Variants in LUZP2 observed in about 807,000 individuals in gnomAD.
LUZP2 encodes the protein leucine zipper protein 2.
A neutral mutation model predicts 51.6 loss-of-function variants in LUZP2; 52 were observed. The observed-to-expected ratio is 1.01, with a 90% CI of 0.81 to 1.27. LUZP2 has a LOEUF of 1.27. LUZP2 is among the 50% of genes most tolerant of loss of function. LUZP2 has a pLI of 0.00. For synonymous variants in LUZP2, 154 were observed against 137.3 expected (o/e 1.12, Z -0.85); for missense variants, 436 against 395.4 (o/e 1.10, Z -0.87).
At chr11:24,520,493 T>C (rs544019942) in intron 1 of LUZP2, among the ~76,000 whole-genome samples, 5 of 152,362 alleles carry the variant, frequency 3.3e-5, no homozygotes, top group Admixed American at 3.3e-4. Context: ...ATTGCACTTG[T>C]ACAGAAGAAT....
chr11:25,043,325 C>A (rs1397480994), intron 9 of LUZP2, among the ~76,000 whole-genome samples: 1 of 151,746 alleles, frequency 6.6e-6, no homozygotes, highest in African/African-American at 2.4e-5. Flanking sequence ...ACCATTTAGC[C>A]CAGTACAGTG....
At chr11:24,586,540 A>C (rs1590210871) in intron 1 of LUZP2, among the ~76,000 whole-genome samples, 1 of 152,138 alleles carries the variant, frequency 6.6e-6, no homozygotes, top group Non-Finnish European at 1.5e-5. Context: ...TTGTTACCTA[A>C]ATTTCAAAGA....
chr11:24,914,695 TA>T (rs1486980722), intron 7 of LUZP2, among the ~76,000 whole-genome samples, 157 bp downstream of exon 7: 1 of 152,136 alleles, frequency 6.6e-6, no homozygotes, highest in Non-Finnish European at 1.5e-5. Context: ...ACAACTTAAT[TA>T]ATGGAGATAA....
intron 1 of LUZP2, among the ~76,000 whole-genome samples, chr11:24,647,096 C>G (rs1317912546): frequency 1.4e-4 from 22 of 151,902 alleles, no homozygotes; most frequent in Non-Finnish European, 5.9e-5. Flanking sequence ...TTGTTCCACT[C>G]TTTCCACGCA....
intron 5 of LUZP2, among the ~76,000 whole-genome samples, chr11:24,890,547 A>G (rs907276813): frequency 6.6e-6 from 1 of 152,122 alleles, no homozygotes; most frequent in Non-Finnish European, 1.5e-5. Context: ...ATGAATAAGA[A>G]TTTTGCGGCT....
Position 24,729,302 on chromosome 11 carries a change from A to C in LUZP2, c.180+16A>C. 62 of 1,363,906 alleles carry C rather than the reference A, an allele frequency of 4.5e-5. No individual in the cohort carries two copies. The highest frequency in any genetic ancestry group is 5.8e-5 in the Non-Finnish European group (57 of 990,964). The allele number at this position is 1,363,906 out of a possible 1,614,324, so 84.5% of individuals were successfully genotyped here. On this transcript the variant is annotated intron_variant, in intron 2 of 11. Coordinates refer to ENST00000336930, the MANE Select transcript of LUZP2 (RefSeq NM_001009909.4). Reference sequence around the variant, plus strand: ...CAATCTTCAGGTGAGATGAGAACTCATTTTCCGAGCAGTAAAAGAGGAGCA... The same window carrying C: ...CAATCTTCAGGTGAGATGAGAACTCCTTTTCCGAGCAGTAAAAGAGGAGCA...
chr11:24,920,209 G>A (rs1333261989), intron 7 of LUZP2, among the ~76,000 whole-genome samples: 1 of 151,920 alleles, frequency 6.6e-6, no homozygotes. Flanking sequence ...ATAGTTTTGT[G>A]ATTGTGTTTG....
At chr11:24,663,220 G>A (rs1274927842) in intron 1 of LUZP2, among the ~76,000 whole-genome samples, 1 of 152,124 alleles carries the variant, frequency 6.6e-6, no homozygotes, top group African/African-American at 2.4e-5. Context: ...ATTAGATCAT[G>A]GGGGCAAATT....
rs373154788 is a variant in LUZP2 at position 24,865,710 on chromosome 11, G to GTA, written c.397-40265_397-40264dup. On this transcript the variant is annotated intron_variant, in intron 5 of 11. Transcript: ENST00000336930. The stretch of plus-strand genomic sequence containing the variant: ...TTGTGTGTATATGTTATATGTTTGT[G>GTA]TATATATATATATATATGTGTGTGT... Among the ~76,000 whole-genome samples, 936 of 65,914 alleles carry GTA rather than the reference G, an allele frequency of 0.014. 33 individuals are homozygous for GTA. The East Asian group carries it at 0.29, about 21-fold the overall frequency. The allele number at this position is 65,914 out of a possible 152,430, so 43.2% of individuals were successfully genotyped here. A position where few individuals can be genotyped will look rare whatever the true frequency, so the allele number is the denominator to read the frequency against.
intron 1 of LUZP2, among the ~76,000 whole-genome samples, chr11:24,584,764 G>T (rs1460216459): frequency 6.6e-6 from 1 of 152,094 alleles, no homozygotes; most frequent in Non-Finnish European, 1.5e-5. Context: ...TTTAAAACAA[G>T]TACAACTTCT....
chr11:24,682,278 T>C (rs1856760130), intron 1 of LUZP2, among the ~76,000 whole-genome samples: 1 of 151,822 alleles, frequency 6.6e-6, no homozygotes, highest in Non-Finnish European at 1.5e-5. Flanking sequence ...GCAAATCACT[T>C]GAGGACAGGA....
intron 1 of LUZP2, among the ~76,000 whole-genome samples, chr11:24,620,014 T>G (rs986242598): frequency 2.0e-5 from 3 of 152,178 alleles, no homozygotes; most frequent in African/African-American, 7.2e-5. Flanking sequence ...CTATTTCTAT[T>G]CTTCTCTATT....
chr11:24,947,331 G>A (rs1390517737), intron 7 of LUZP2, among the ~76,000 whole-genome samples: 14 of 151,850 alleles, frequency 9.2e-5, no homozygotes, highest in Non-Finnish European at 2.1e-4. Context: ...GGAGGATGAG[G>A]AGCAGTTGGT....
intron 1 of LUZP2, among the ~76,000 whole-genome samples, chr11:24,659,446 G>T (rs1186656416): frequency 1.3e-5 from 2 of 152,002 alleles, no homozygotes; most frequent in Non-Finnish European, 2.9e-5. Context: ...GGGAAGGACA[G>T]CATTAGGAGA....
At chr11:24,901,009 T>A (rs1302904409) in intron 5 of LUZP2, among the ~76,000 whole-genome samples, 2 of 152,118 alleles carry the variant, frequency 1.3e-5, no homozygotes, top group Admixed American at 1.3e-4. Flanking sequence ...AAAACTTCTG[T>A]GGTCTGCTTG....
chr11:25,015,265 C>T (rs906124898), intron 9 of LUZP2, among the ~76,000 whole-genome samples: 3 of 152,110 alleles, frequency 2.0e-5, no homozygotes, highest in Non-Finnish European at 2.9e-5. Flanking sequence ...CAAAATGTTA[C>T]GATAGTACAG....
intron 5 of LUZP2, among the ~76,000 whole-genome samples, chr11:24,802,881 G>T (rs1231684556): frequency 2.0e-5 from 3 of 151,964 alleles, no homozygotes; most frequent in African/African-American, 7.2e-5. Flanking sequence ...TATATAAAAG[G>T]TTGAAGAGAG....
chr11:24,807,913 T>C (rs1053787385), intron 5 of LUZP2, among the ~76,000 whole-genome samples: 4 of 152,242 alleles, frequency 2.6e-5, no homozygotes, highest in Admixed American at 6.5e-5. Flanking sequence ...TGTGCTGTGA[T>C]AGAACTAAGA....
At position 24,824,703 on chromosome 11, in the gene LUZP2, A is replaced by G. The variant is rs537732432; in HGVS notation, c.396+61395A>G. Among the ~76,000 whole-genome samples the G allele has an allele frequency of 4.6e-5, 7 of 152,182 alleles. No individual in the cohort carries two copies. The South Asian group carries it at 1.2e-3, about 27-fold the overall frequency. Reference sequence around the variant, plus strand: ...ATATTTATTTTATATGATCACACATATTTATTTTATATAATCATCTGTTTC... The same window carrying G: ...ATATTTATTTTATATGATCACACATGTTTATTTTATATAATCATCTGTTTC... On this transcript the variant is annotated intron_variant, in intron 5 of 11. Coordinates refer to ENST00000336930, the MANE Select transcript of LUZP2 (RefSeq NM_001009909.4).
Sources: allele counts gnomAD v4.1 joint callset (sites outside exome capture counted in the v4.1 genomes callset), GRCh38; gene constraint gnomAD v4.1.1; transcripts MANE v1.5; gene names NCBI Gene and HGNC (gene_info 2026-07-23, HGNC 2026-07-21).